TTC6: variants seen among roughly 807,000 people sequenced by gnomAD.
TTC6 encodes the protein tetratricopeptide repeat domain 6.
In TTC6, 172 loss-of-function variants were observed where a neutral mutation model predicts 210.4. The observed-to-expected ratio is 0.82, with a 90% CI of 0.72 to 0.93. TTC6 has a LOEUF of 0.93. Ranked by LOEUF, TTC6 falls within the 40% of genes least tolerant of loss-of-function variation. The probability of loss-of-function intolerance (pLI) is 0.00; values close to 1 mark genes in which losing one functional copy is unlikely to be tolerated. For synonymous variants in TTC6, 804 were observed against 819.6 expected (o/e 0.98, Z 0.32); for missense variants, 2,414 against 2,318.1 (o/e 1.04, Z -0.85).
intron 10 of TTC6, among the ~76,000 whole-genome samples, chr14:37,747,050 A>G (rs1257953060): frequency 2.6e-5 from 4 of 152,204 alleles, no homozygotes; most frequent in Non-Finnish European, 4.4e-5. Context: ...GAAGTAGTCA[A>G]CTGAACATAC....
At chr14:37,634,549 A>G (rs2095676298) in intron 1 of TTC6, among the ~76,000 whole-genome samples, 1 of 152,210 alleles carries the variant, frequency 6.6e-6, no homozygotes, top group African/African-American at 2.4e-5. Context: ...AAAAGAGGGC[A>G]GGACTGAAAA....
chr14:37,724,367 G>A (rs997843615), intron 6 of TTC6, among the ~76,000 whole-genome samples: 1 of 151,964 alleles, frequency 6.6e-6, no homozygotes, highest in African/African-American at 2.4e-5. Context: ...AGTTTTATAT[G>A]ATTCTTTCTA....
rs919312680 is a variant in TTC6 at position 37,602,515 on chromosome 14, C to T, written c.-234-4148C>T. Among the ~76,000 whole-genome samples the T allele has an allele frequency of 2.0e-5, 3 of 152,102 alleles. No individual in the cohort carries two copies. The South Asian group carries it at 6.2e-4, about 32-fold the overall frequency. ...GGAGACGTTACAAGAGTAAATATGC[C>T]TACCTCCTCTTCTGGGCTGCTATCA... is the stretch of plus-strand genomic sequence containing the variant. On this transcript the variant is annotated intron_variant, in intron 1 of 2. Coordinates refer to the TTC6 transcript ENST00000556845.
chr14:37,680,076 C>A, intron 1 of TTC6, 75 bp from the exon 4 acceptor site: 2 of 785,604 alleles, frequency 2.5e-6, no homozygotes, highest in Non-Finnish European at 4.0e-6. Flanking sequence ...AATTGACTAG[C>A]ATTTTAGTAT....
At chr14:37,732,419 G>A (rs1184004744) in intron 7 of TTC6, among the ~76,000 whole-genome samples, 16 of 151,548 alleles carry the variant, frequency 1.1e-4, no homozygotes, top group African/African-American at 3.9e-4. Context: ...TCCTGACCTC[G>A]TGATCTGCCC....
chr14:37,616,097 T>G (rs1240375512), intron 2 of TTC6, among the ~76,000 whole-genome samples: 1 of 152,246 alleles, frequency 6.6e-6, no homozygotes, highest in Non-Finnish European at 1.5e-5. Context: ...TGGTTGGTGG[T>G]TCAGTTCAGC....
In TTC6 at chr14:37,598,788, T is replaced by G. The variant is rs943091679; in HGVS notation, c.-235+2780T>G. On this transcript the variant is annotated intron_variant, in intron 1 of 2. Transcript: ENST00000556845. This position sits in a 1 kb window ranked among gnomAD's most constrained non-coding sequence, Gnocchi z 4.9. ...CGGGGCTCTGCGGTGCCCATTCGAGTCTCTCCAGGGCTTCCCTCTGTGGCT... is the reference window on the plus strand; with the variant it reads ...CGGGGCTCTGCGGTGCCCATTCGAGGCTCTCCAGGGCTTCCCTCTGTGGCT... Among the ~76,000 whole-genome samples, 1 of 151,924 alleles carries G rather than the reference T, an allele frequency of 6.6e-6. No individual in the cohort carries two copies. Among genetic ancestry groups the G allele is most frequent in the South Asian group, 2.1e-4 (1 of 4,820 alleles).
intron 14 of TTC6, among the ~76,000 whole-genome samples, chr14:37,780,159 TA>T (rs2096050228): frequency 6.6e-6 from 1 of 152,252 alleles, no homozygotes. Context: ...TAATTAGTAA[TA>T]TTTTTTAGCA....
At chr14:37,639,480 A>G (rs2095687434) in intron 1 of TTC6, among the ~76,000 whole-genome samples, 1 of 152,192 alleles carries the variant, frequency 6.6e-6, no homozygotes, top group South Asian at 2.1e-4. Context: ...CAAATTAATT[A>G]TAGTTTTTTT....
chr14:37,812,557 C>A, intron 25 of TTC6, 124 bp downstream of exon 27: 1 of 960,676 alleles, frequency 1.0e-6, no homozygotes, highest in Non-Finnish European at 1.5e-6. Context: ...AGCAAGAATT[C>A]TATTAAAATA....
chr14:37,741,850 A>G (rs964264584), intron 10 of TTC6, among the ~76,000 whole-genome samples: 5 of 152,098 alleles, frequency 3.3e-5, no homozygotes, highest in Non-Finnish European at 7.3e-5. Flanking sequence ...CAGCTAGGTC[A>G]TGGTAGGTTG....
At position 37,790,716 on chromosome 14, in the gene TTC6, G is replaced by A. The variant is rs1006975105; in HGVS notation, c.3437-1G>A. 2 of 1,531,778 alleles carry A rather than the reference G, an allele frequency of 1.3e-6. No individual in the cohort carries two copies. The highest frequency in any genetic ancestry group is 1.7e-6 in the Non-Finnish European group (2 of 1,143,880). 94.9% of individuals were successfully genotyped at this position (1,531,778 alleles called of 1,614,324 possible). ...AAATACATTTTTTTAAACTTTTTAA[G>A]CACTCATAAATGATGGCTATGAGAA... On this transcript the variant is annotated splice_acceptor_variant, in intron 15 of 30. Coordinates refer to ENST00000553443, the Ensembl canonical transcript of TTC6. LOFTEE classifies it high-confidence loss of function.
intron 3 of TTC6, among the ~76,000 whole-genome samples, chr14:37,687,799 G>A (rs550746010): frequency 1.7e-4 from 26 of 152,208 alleles, no homozygotes; most frequent in South Asian, 6.2e-4. Flanking sequence ...TAACTAGAAA[G>A]GATACCAGTT....
At chr14:37,769,410 C>T (rs1392904473) in intron 14 of TTC6, among the ~76,000 whole-genome samples, 10 of 151,818 alleles carry the variant, frequency 6.6e-5, no homozygotes, top group African/African-American at 1.2e-4. Flanking sequence ...TGGTAGAATT[C>T]GGCTGTGAAT....
intron 6 of TTC6, among the ~76,000 whole-genome samples, chr14:37,721,805 G>A (rs1230276717): frequency 1.4e-5 from 2 of 144,074 alleles, no homozygotes; most frequent in African/African-American, 5.1e-5. Flanking sequence ...CATTTTTAAG[G>A]TGCTGCTGTC....
At chr14:37,782,936 A>G (rs1369443204) in intron 14 of TTC6, among the ~76,000 whole-genome samples, 1 of 152,120 alleles carries the variant, frequency 6.6e-6, no homozygotes, top group Non-Finnish European at 1.5e-5. Context: ...ACATTTATTG[A>G]TTCGTGTATG....
At chr14:37,719,453 C>G (rs2095857823) in intron 6 of TTC6, among the ~76,000 whole-genome samples, 2 of 151,616 alleles carry the variant, frequency 1.3e-5, no homozygotes, top group Non-Finnish European at 2.9e-5. Flanking sequence ...GACTTCCTGA[C>G]TTACTATATT....
intron 26 of TTC6, among the ~76,000 whole-genome samples, chr14:37,821,319 C>T (rs1595312672): frequency 6.6e-6 from 1 of 152,000 alleles, no homozygotes; most frequent in Non-Finnish European, 1.5e-5. Flanking sequence ...TCCACCTGTC[C>T]TGGCCTCCCA....
intron 5 of TTC6, among the ~76,000 whole-genome samples, chr14:37,702,595 A>G (rs936915788): frequency 6.6e-6 from 1 of 152,206 alleles, no homozygotes; most frequent in Non-Finnish European, 1.5e-5. Flanking sequence ...TTTTAAGACA[A>G]TTACAAATGT....
Sources: gnomAD v4.1 joint callset for allele counts (sites outside exome capture counted in the v4.1 genomes callset) on GRCh38, gnomAD v4.1.1 for gene constraint, Gnocchi (gnomAD v3.1) non-coding constraint, MANE v1.5 for transcripts, NCBI Gene and HGNC (gene_info 2026-07-23, HGNC 2026-07-21) for gene names.